CDH23: variants seen among roughly 807,000 people sequenced by gnomAD.
CDH23 encodes cadherin related 23, also known as cadherin-23.
In CDH23, 189 loss-of-function variants were observed where a neutral mutation model predicts 317.1. The ratio of observed to expected loss-of-function variants is 0.60; its 90% confidence interval spans 0.53 to 0.67. The LOEUF (loss-of-function observed/expected upper bound fraction) is 0.67. CDH23 is among the 30% of genes least tolerant of loss of function. CDH23 has a pLI of 0.00. For synonymous variants in CDH23, 1,839 were observed against 1,876.8 expected, an observed-to-expected ratio of 0.98 and a Z score of 0.52; for missense variants, 4,401 against 4,592.4, an observed-to-expected ratio of 0.96 and a Z score of 1.20.
At chr10:71,448,209 G>A (rs968002467) in intron 3 of CDH23, among the ~76,000 whole-genome samples, 12 of 152,226 alleles carry the variant, frequency 7.9e-5, no homozygotes, top group African/African-American at 2.9e-4. Context: ...GGAGGGATGG[G>A]CATTGCATGG....
chr10:71,751,233 C>T lies in CDH23; in HGVS notation c.4845+9312C>T. 6.2e-7 allele frequency: 1 copy of T among 1,603,494 alleles called. No individual in the cohort carries two copies. Among genetic ancestry groups the T allele is most frequent in the Non-Finnish European group, 8.5e-7 (1 of 1,174,242 alleles). On this transcript the variant is annotated intron_variant, in intron 38 of 69. Coordinates refer to ENST00000224721, the MANE Select transcript of CDH23 (RefSeq NM_022124.6). This position sits in a 1 kb window ranked among gnomAD's most constrained non-coding sequence, Gnocchi z 4.9. ...CCTGCCCCAGACCCAGCCACAACAG[C>T]CCACTGTCCCCCAGCTGGGCTAGAT...
intron 57 of CDH23, 79 bp from the exon 58 acceptor site, chr10:71,807,198 T>G: frequency 1.3e-6 from 2 of 1,551,536 alleles, no homozygotes; most frequent in South Asian, 2.4e-5. Context: ...ACAAAGTCAC[T>G]GCCCAGGGCC....
At chr10:71,756,961 C>G (rs781272919) in intron 38 of CDH23, among the ~76,000 whole-genome samples, 1 of 152,260 alleles carries the variant, frequency 6.6e-6, no homozygotes, top group Non-Finnish European at 1.5e-5. Context: ...GAAGTACCCA[C>G]TGGTACAGGA....
At chr10:71,776,864 T>G (rs1163632520) in intron 38 of CDH23, among the ~76,000 whole-genome samples, 1 of 152,222 alleles carries the variant, frequency 6.6e-6, no homozygotes, top group African/African-American at 2.4e-5. Flanking sequence ...GGAAGCTGGA[T>G]AGCAAGGGAG....
chr10:71,444,102 T>A (rs1850039267), intron 2 of CDH23, among the ~76,000 whole-genome samples: 1 of 152,200 alleles, frequency 6.6e-6, no homozygotes, highest in Non-Finnish European at 1.5e-5. Flanking sequence ...TGCGTCCTGC[T>A]CTCCTGTATC....
intron 9 of CDH23, among the ~76,000 whole-genome samples, chr10:71,599,405 A>G (rs1356061136): frequency 2.0e-5 from 3 of 152,132 alleles, no homozygotes; most frequent in Non-Finnish European, 2.9e-5. Context: ...TTGAGGAATC[A>G]TTTATTTTAT....
At chr10:71,680,127 G>C (rs1357433425) in intron 17 of CDH23, among the ~76,000 whole-genome samples, 1 of 152,236 alleles carries the variant, frequency 6.6e-6, no homozygotes, top group Non-Finnish European at 1.5e-5. Context: ...TGCCCCACCA[G>C]AGTCCAGCCT....
Position 71,687,636 on chromosome 10 carries a change from G to A in CDH23, c.1987-11G>A, listed in dbSNP as rs780249487. On this transcript the variant is annotated splice_polypyrimidine_tract_variant and intron_variant, in intron 18 of 69. Transcript: ENST00000224721. ...CTGCAGCCTCCTGCAACCTGTCTGT[G>A]TTCCTTCCAGGATGAGAATGACAAC... 8 of 1,613,558 alleles carry A rather than the reference G, an allele frequency of 5.0e-6. No individual in the cohort carries two copies. In the Admixed American group the frequency reaches 1.2e-4, roughly 24 times the overall value.
chr10:71,483,505 C>T (rs914909239), intron 3 of CDH23, among the ~76,000 whole-genome samples: 40 of 152,308 alleles, frequency 2.6e-4, no homozygotes, highest in South Asian at 8.3e-4. Context: ...TGTTCCCAGC[C>T]TCCCTCAAGA....
Position 71,815,326 on chromosome 10 carries a change from C to T in CDH23, c.*48C>T, listed in dbSNP as rs1014533846. The T allele has an allele frequency of 6.7e-7, 1 of 1,483,792 alleles. No homozygotes were observed. The highest frequency in any genetic ancestry group is 1.4e-5 in the South Asian group (1 of 73,216). 91.9% of individuals were successfully genotyped at this position (1,483,792 alleles called of 1,614,324 possible). ...TGTGAGCAGCACCCATCCACCGTCC[C>T]CTCCCAGGGAGCAAGGGCAGGGACA... On this transcript the variant is annotated 3_prime_UTR_variant, in exon 70 of 70. Coordinates refer to ENST00000224721, the MANE Select transcript of CDH23 (RefSeq NM_022124.6).
rs545150768 is a variant in CDH23, at chr10:71,502,126, T to A, written c.146-7956T>A. 2.0e-5 allele frequency among the ~76,000 whole-genome samples: 3 copies of A among 152,318 alleles called. No homozygotes were observed. In the East Asian group the frequency reaches 5.8e-4, roughly 29 times the overall value. On this transcript the variant is annotated intron_variant, in intron 3 of 69. Coordinates refer to ENST00000224721, the MANE Select transcript of CDH23 (RefSeq NM_022124.6). ...TGGTTCTCACTTCAGCGATAACTAG[T>A]CCCTGCTTCTGAGCTAGCCTGCAGA... is the stretch of plus-strand genomic sequence containing the variant.
chr10:71,663,298 G>A (rs1231831062), intron 14 of CDH23, among the ~76,000 whole-genome samples: 1 of 152,156 alleles, frequency 6.6e-6, no homozygotes, highest in African/African-American at 2.4e-5. Flanking sequence ...GCCGGCTTTC[G>A]TATTTTCTCT....
At chr10:71,681,843 G>A (rs78693117) in intron 17 of CDH23, among the ~76,000 whole-genome samples, 4,301 of 152,274 alleles carry the variant, frequency 0.028, 89 homozygotes, top group South Asian at 0.073. Context: ...TAGGGCTAGA[G>A]ACCGAGGAGG....
chr10:71,663,334 AC>A (rs975657245), intron 14 of CDH23, among the ~76,000 whole-genome samples: 70 of 152,098 alleles, frequency 4.6e-4, no homozygotes, highest in African/African-American at 1.6e-3. Flanking sequence ...TCTCTGAACC[AC>A]CCACCCCAGA....
intron 1 of CDH23, among the ~76,000 whole-genome samples, chr10:71,402,592 G>A (rs1438400116): frequency 6.6e-5 from 10 of 152,156 alleles, no homozygotes; most frequent in Non-Finnish European, 8.8e-5. Context: ...AGCTTTTATT[G>A]TATCCCTTTG....
chr10:71,748,257 C>T (rs915135516), intron 38 of CDH23: 1 of 152,462 alleles, frequency 6.6e-6, no homozygotes. Context: ...ATCAGCCCCT[C>T]TGCCCTGGGC....
intron 1 of CDH23, among the ~76,000 whole-genome samples, chr10:71,403,667 C>A (rs1411422906): frequency 6.6e-6 from 1 of 151,618 alleles, no homozygotes. Context: ...CAGGTGCACA[C>A]CACCACGCCC....
intron 11 of CDH23, among the ~76,000 whole-genome samples, chr10:71,631,895 T>C (rs2132554795): frequency 6.6e-6 from 1 of 152,364 alleles, no homozygotes; most frequent in African/African-American, 2.4e-5. Context: ...CCACTCGCTA[T>C]TGCCCTGTGC....
At chr10:71,620,779 C>G (rs1422992795) in intron 11 of CDH23, among the ~76,000 whole-genome samples, 1 of 152,218 alleles carries the variant, frequency 6.6e-6, no homozygotes, top group Non-Finnish European at 1.5e-5. Flanking sequence ...GCCACCCAAC[C>G]CTGAGGTCAC....
Sources: allele counts gnomAD v4.1 joint callset (sites outside exome capture counted in the v4.1 genomes callset), GRCh38; gene constraint gnomAD v4.1.1; non-coding constraint Gnocchi (gnomAD v3.1); transcripts MANE v1.5; gene names NCBI Gene and HGNC (gene_info 2026-07-23, HGNC 2026-07-21).